ANKS3: variants seen among roughly 807,000 people sequenced by gnomAD.
ANKS3 encodes ankyrin repeat and sterile alpha motif domain containing 3.
A neutral mutation model predicts 80.7 loss-of-function variants in ANKS3; 62 were observed. The observed-to-expected ratio is 0.77, with a 90% CI of 0.63 to 0.95. The LOEUF is 0.95. ANKS3 is among the 40% of genes least tolerant of loss of function. The pLI, the probability that ANKS3 is intolerant of heterozygous loss-of-function variation, is 0.00. For missense variants in ANKS3, 1,150 were observed against 883.6 expected, an observed-to-expected ratio of 1.30 and a Z score of -3.82; for synonymous variants, 489 against 355.3, an observed-to-expected ratio of 1.38 and a Z score of -4.23.
intron 6 of ANKS3, 23 bp from the exon 7 acceptor site, chr16:4,714,209 G>T (rs2080652618): frequency 6.2e-7 from 1 of 1,612,790 alleles, no homozygotes; most frequent in Non-Finnish European, 8.5e-7. Context: ...GTGAAAGGGG[G>T]TTAGGGGCCT....
intron 6 of ANKS3, among the ~76,000 whole-genome samples, chr16:4,720,761 G>A (rs934680000): frequency 1.3e-5 from 2 of 150,324 alleles, no homozygotes; most frequent in Non-Finnish European, 3.0e-5. Context: ...CCAACATGCC[G>A]AAACCCTGTC....
At chr16:4,716,727 C>A (rs950200472) in intron 6 of ANKS3, among the ~76,000 whole-genome samples, 4 of 151,688 alleles carry the variant, frequency 2.6e-5, no homozygotes, top group Admixed American at 2.6e-4. Context: ...CCAGCCTGGG[C>A]AATGTGGTGA....
intron 9 of ANKS3, 90 bp downstream of exon 9, chr16:4,702,012 G>T: frequency 2.8e-6 from 4 of 1,445,116 alleles, no homozygotes; most frequent in Non-Finnish European, 3.7e-6. Flanking sequence ...GCTGTGTCCA[G>T]CGCCAGGCCC....
intron 1 of ANKS3, among the ~76,000 whole-genome samples, chr16:4,731,814 T>G (rs996715283): frequency 6.6e-6 from 1 of 152,024 alleles, no homozygotes; most frequent in Admixed American, 6.6e-5. Flanking sequence ...GAGGTAACAC[T>G]TTCCCCGAGA....
chr16:4,706,171 G>A (rs778910176), intron 7 of ANKS3, among the ~76,000 whole-genome samples: 39 of 152,008 alleles, frequency 2.6e-4, no homozygotes, highest in Admixed American at 6.6e-4. Context: ...TGGGATTATA[G>A]GCACGTTACC....
Position 4,734,043 on chromosome 16 carries a change from G to A in ANKS3, c.-176C>T. The A allele has an allele frequency of 4.1e-6, 4 of 983,196 alleles. No homozygotes were observed. The highest frequency in any genetic ancestry group is 4.8e-6 in the Non-Finnish European group (4 of 827,872). The allele number at this position is 983,196 out of a possible 1,614,324, so 60.9% of individuals were successfully genotyped here. On this transcript the variant is annotated 5_prime_UTR_variant, in exon 1 of 18. Transcript: ENST00000304283. ...ACAACCACATAAAGAAAATGTGGGGGCTCGGTCCTCCAGTCACGCGGCGAG... is the reference window on the plus strand; with the variant it reads ...ACAACCACATAAAGAAAATGTGGGGACTCGGTCCTCCAGTCACGCGGCGAG...
chr16:4,723,223 G>A (rs1314740448), intron 6 of ANKS3, among the ~76,000 whole-genome samples: 1 of 152,098 alleles, frequency 6.6e-6, no homozygotes, highest in Non-Finnish European at 1.5e-5. Flanking sequence ...ACGGCTTCTC[G>A]TATATTCACA....
chr16:4,719,159 A>AC (rs2080955906), intron 6 of ANKS3, among the ~76,000 whole-genome samples: 1 of 151,800 alleles, frequency 6.6e-6, no homozygotes, highest in African/African-American at 2.4e-5. Context: ...ACTTAGTGAG[A>AC]CCCCAACTCT....
In ANKS3 at chr16:4,727,020, A is replaced by C; in HGVS notation, c.328T>G (p.Ser110Ala). Residue 110 changes from serine (S) to alanine (A), a missense_variant, in exon 4 of 18, where the codon TCC becomes GCC. Ser to Ala is a moderately conservative substitution (Grantham distance 99, BLOSUM62 1). Coordinates refer to ENST00000304283, the MANE Select transcript of ANKS3 (RefSeq NM_133450.4). Reference sequence around the variant, plus strand: ...GCGATGCTCTCGTTGCCACAGCTGGAGGCCAGCATCAGTGGAGTCTGCCCT... The same window carrying C: ...GCGATGCTCTCGTTGCCACAGCTGGCGGCCAGCATCAGTGGAGTCTGCCCT... ...PEGQTPLMLA[S>A]SCGNESIAYF... 4 of 1,614,182 alleles carry C rather than the reference A, an allele frequency of 2.5e-6. No homozygotes were observed. The highest frequency in any genetic ancestry group is 3.4e-6 in the Non-Finnish European group (4 of 1,180,042).
In ANKS3 at chr16:4,701,966, G is replaced by A. The variant is rs576763228; in HGVS notation, c.1009+136C>T. ...CCCATTCCTCACAAGAACCAGGGCC[G>A]TCCACACCTACCCCTTTCCTGTCCT... On this transcript the variant is annotated intron_variant, in intron 9 of 17. Coordinates refer to ENST00000304283, the MANE Select transcript of ANKS3 (RefSeq NM_133450.4). 1.4e-4 allele frequency: 154 copies of A among 1,136,344 alleles called. 2 individuals are homozygous for A. In the East Asian group the frequency reaches 3.8e-3, roughly 28 times the overall value. The allele number at this position is 1,136,344 out of a possible 1,614,324, so 70.4% of individuals were successfully genotyped here.
At position 4,714,082 on chromosome 16, in the gene ANKS3, G is replaced by C. The variant is rs747426552; in HGVS notation, c.678C>G (p.Pro226=). The part of the protein sequence containing the change: ...KIVALMDTYS[P]SLPKSLYRSP... Reference sequence around the variant, plus strand: ...TCCGATAGAGGCTCTTGGGCAGAGAGGGCGAGTAAGTGTCCATCAAGGCCA... The same window carrying C: ...TCCGATAGAGGCTCTTGGGCAGAGACGGCGAGTAAGTGTCCATCAAGGCCA... The change falls in exon 7 of 18, where the codon CCC becomes CCG. Residue 226 remains proline (P), a synonymous_variant. Coordinates refer to ENST00000304283, the MANE Select transcript of ANKS3 (RefSeq NM_133450.4). The C allele has an allele frequency of 5.0e-6, 8 of 1,614,202 alleles. No individual in the cohort carries two copies. Among genetic ancestry groups the C allele is most frequent in the Non-Finnish European group, 6.8e-6 (8 of 1,180,040 alleles).
At chr16:4,726,638 C>T (rs746149676) in intron 5 of ANKS3, 21 bp downstream of exon 5, 1 of 1,611,600 alleles carries the variant, frequency 6.2e-7, no homozygotes, top group East Asian at 2.2e-5. Flanking sequence ...CTCCTGTGGC[C>T]ACTAAAGATG....
chr16:4,711,029 T>A lies in ANKS3; in HGVS notation c.709+3022A>T, dbSNP rs930060898. Among the ~76,000 whole-genome samples the A allele has an allele frequency of 4.0e-5, 6 of 151,266 alleles. No individual in the cohort carries two copies. The South Asian group carries it at 6.3e-4, about 16-fold the overall frequency. ...GTCTTGAACTCCTGACCTCAAGTGA[T>A]CCACACGCCTCAGCCTCCCAAAGTG... On this transcript the variant is annotated intron_variant, in intron 7 of 17. Coordinates refer to ENST00000304283, the MANE Select transcript of ANKS3 (RefSeq NM_133450.4).
intron 11 of ANKS3, 177 bp from the exon 12 acceptor site, chr16:4,699,353 G>A: frequency 1.2e-6 from 1 of 826,570 alleles, no homozygotes; most frequent in Non-Finnish European, 1.9e-6. Context: ...GATGTTGCAG[G>A]CAGGTGAGTC....
chr16:4,733,802 G>T lies in ANKS3; in HGVS notation c.-71+136C>A, dbSNP rs2081797991. 1.3e-5 allele frequency: 6 copies of T among 447,156 alleles called. No individual in the cohort carries two copies. In the South Asian group the frequency reaches 2.8e-4, roughly 21 times the overall value. The allele number at this position is 447,156 out of a possible 1,614,324, so 27.7% of individuals were successfully genotyped here. On this transcript the variant is annotated intron_variant, in intron 1 of 17. Transcript: ENST00000304283. The stretch of plus-strand genomic sequence containing the variant: ...TTTTAAAAATCTTAACAAATGTGAT[G>T]CTGGTGGTAACTGTCACGCCCACAG...
intron 7 of ANKS3, among the ~76,000 whole-genome samples, chr16:4,708,561 G>A (rs916945426): frequency 5.3e-5 from 8 of 152,120 alleles, no homozygotes; most frequent in African/African-American, 1.9e-4. Flanking sequence ...CAATCAGTAG[G>A]TCTCATTAAT....
intron 14 of ANKS3, 116 bp downstream of exon 14, chr16:4,698,311 C>T: frequency 7.3e-7 from 1 of 1,375,016 alleles, no homozygotes; most frequent in Non-Finnish European, 9.6e-7. Flanking sequence ...GGGGTGGCTC[C>T]AGACCCTGAA....
chr16:4,711,455 A>G (rs1205463029), intron 7 of ANKS3, among the ~76,000 whole-genome samples: 1 of 151,730 alleles, frequency 6.6e-6, no homozygotes, highest in African/African-American at 2.4e-5. Flanking sequence ...GCGGTGGCTC[A>G]CACCTATAAT....
Position 4,730,095 on chromosome 16 carries a change from A to C in ANKS3, c.55T>G (p.Ser19Ala). 6.3e-7 allele frequency: 1 copy of C among 1,594,060 alleles called. No individual in the cohort carries two copies. The highest frequency in any genetic ancestry group is 8.6e-7 in the Non-Finnish European group (1 of 1,168,374). Residue 19 changes from serine (S) to alanine (A), a missense_variant, in exon 3 of 18, where the codon TCC becomes GCC. Physicochemically the swap from Ser to Ala is moderately conservative, Grantham distance 99. Coordinates refer to ENST00000304283, the MANE Select transcript of ANKS3 (RefSeq NM_133450.4). ...TGTGTCCCGAGCCCGTGCCACATGG[A>C]CAAGCTGCGGTTCAGGAGTTCCGGC... is the stretch of plus-strand genomic sequence containing the variant. ...SEPELLNRSL[S>A]MWHGLGTQVS...
Sources: allele counts gnomAD v4.1 joint callset (sites outside exome capture counted in the v4.1 genomes callset), GRCh38; gene constraint gnomAD v4.1.1; transcripts MANE v1.5; gene names NCBI Gene and HGNC (gene_info 2026-07-23, HGNC 2026-07-21).